CTNNA3: variants seen among roughly 807,000 people sequenced by gnomAD.
The protein encoded by CTNNA3 is catenin alpha 3, also known as catenin alpha-3.
Under a neutral mutation model 95.7 loss-of-function variants are expected in CTNNA3, and 76 were observed. The observed-to-expected ratio is 0.79, with a 90% CI of 0.66 to 0.96. The LOEUF (loss-of-function observed/expected upper bound fraction) is 0.96. CTNNA3 is among the 40% of genes least tolerant of loss of function. The pLI, the probability that CTNNA3 is intolerant of heterozygous loss-of-function variation, is 0.00. For synonymous variants in CTNNA3, 431 were observed against 374.4 expected, an observed-to-expected ratio of 1.15 and a Z score of -1.74; for missense variants, 1,191 against 1,089.8, an observed-to-expected ratio of 1.09 and a Z score of -1.31.
chr10:66,666,270 G>A (rs1020618257), intron 9 of CTNNA3, among the ~76,000 whole-genome samples: 7 of 152,038 alleles, frequency 4.6e-5, no homozygotes, highest in Non-Finnish European at 1.5e-5. Flanking sequence ...TTGCTGCCTG[G>A]TATTACGGAA....
chr10:66,575,442 C>T (rs1363666553), intron 10 of CTNNA3, among the ~76,000 whole-genome samples: 1 of 152,128 alleles, frequency 6.6e-6, no homozygotes, highest in East Asian at 1.9e-4. Context: ...GCATCCCTGG[C>T]ACTGTGCCTA....
intron 13 of CTNNA3, among the ~76,000 whole-genome samples, chr10:66,187,183 G>A (rs560977271): frequency 1.9e-4 from 29 of 152,158 alleles, no homozygotes; most frequent in Admixed American, 1.4e-3. Flanking sequence ...AAAATCCCAC[G>A]TGCAAAACTT....
chr10:65,993,855 C>T (rs545393499), intron 15 of CTNNA3, among the ~76,000 whole-genome samples: 15 of 152,302 alleles, frequency 9.8e-5, no homozygotes, highest in African/African-American at 3.4e-4. Flanking sequence ...CCTGCCTCAG[C>T]CTCCTGAGTA....
intron 7 of CTNNA3, among the ~76,000 whole-genome samples, chr10:67,120,299 T>C (rs1859395129): frequency 6.6e-6 from 1 of 151,952 alleles, no homozygotes; most frequent in Admixed American, 6.6e-5. Context: ...ATTATCACTT[T>C]ATACTACGAG....
intron 9 of CTNNA3, among the ~76,000 whole-genome samples, chr10:66,648,877 G>C (rs1845798743): frequency 6.6e-6 from 1 of 152,164 alleles, no homozygotes; most frequent in Admixed American, 6.5e-5. Flanking sequence ...TTACAGATGG[G>C]AGATGTGTAT....
At chr10:67,387,377 AGTATAT>A (rs1844221579) in intron 5 of CTNNA3, among the ~76,000 whole-genome samples, 1 of 152,056 alleles carries the variant, frequency 6.6e-6, no homozygotes, top group Admixed American at 6.5e-5. Flanking sequence ...GCACCACGAG[AGTATAT>A]CCCGCACCTG....
At chr10:66,649,298 C>T (rs907300009) in intron 9 of CTNNA3, among the ~76,000 whole-genome samples, 15 of 151,998 alleles carry the variant, frequency 9.9e-5, no homozygotes, top group Non-Finnish European at 2.1e-4. Context: ...CTTATCCCCA[C>T]AGAGAAACAT....
chr10:66,063,423 C>G (rs2080250584), intron 15 of CTNNA3, among the ~76,000 whole-genome samples: 1 of 150,754 alleles, frequency 6.6e-6, no homozygotes, highest in African/African-American at 2.4e-5. Flanking sequence ...TCTCATATTC[C>G]ACAGATGGCA....
chr10:66,658,820 A>C (rs564013091), intron 9 of CTNNA3, among the ~76,000 whole-genome samples: 1 of 152,160 alleles, frequency 6.6e-6, no homozygotes, highest in South Asian at 2.1e-4. Flanking sequence ...CAGCCACCTG[A>C]GTAGCTGGGA....
chr10:65,940,017 C>A (rs375079777), intron 17 of CTNNA3, among the ~76,000 whole-genome samples: 2 of 152,226 alleles, frequency 1.3e-5, no homozygotes, highest in Non-Finnish European at 2.9e-5. Flanking sequence ...TATTTGAGCA[C>A]CTTCCAACTG....
At chr10:65,956,666 A>C (rs2077737972) in intron 17 of CTNNA3, among the ~76,000 whole-genome samples, 1 of 152,208 alleles carries the variant, frequency 6.6e-6, no homozygotes, top group Non-Finnish European at 1.5e-5. Flanking sequence ...ATCCAGGAGC[A>C]GGTTGCTCAG....
intron 7 of CTNNA3, among the ~76,000 whole-genome samples, chr10:67,043,867 A>C (rs1005155532): frequency 6.6e-6 from 1 of 151,366 alleles, no homozygotes; most frequent in Admixed American, 6.7e-5. Flanking sequence ...TATATGCCCA[A>C]CATTCTGTTC....
At chr10:66,650,758 C>A (rs1297394554) in intron 9 of CTNNA3, among the ~76,000 whole-genome samples, 1 of 151,714 alleles carries the variant, frequency 6.6e-6, no homozygotes, top group Non-Finnish European at 1.5e-5. Flanking sequence ...TTCCTCCCGT[C>A]CAGAGTTGTT....
At chr10:67,242,493 G>C (rs1417627745) in intron 5 of CTNNA3, among the ~76,000 whole-genome samples, 2 of 152,206 alleles carry the variant, frequency 1.3e-5, no homozygotes, top group African/African-American at 4.8e-5. Flanking sequence ...AGCAGGAAGC[G>C]TGAATAGGGC....
intron 1 of CTNNA3, among the ~76,000 whole-genome samples, chr10:67,653,507 A>T (rs1839935460): frequency 6.6e-6 from 1 of 152,180 alleles, no homozygotes; most frequent in Non-Finnish European, 1.5e-5. Flanking sequence ...GAGGACTTAA[A>T]CACATCAGCC....
intron 15 of CTNNA3, among the ~76,000 whole-genome samples, chr10:66,063,957 A>C (rs892612139): frequency 6.6e-6 from 1 of 152,138 alleles, no homozygotes; most frequent in Non-Finnish European, 1.5e-5. Context: ...TGGTCACTTC[A>C]AATAGTCTTT....
rs144426524 is a variant in CTNNA3 at position 66,392,372 on chromosome 10, G to A, written c.1532-13020C>T. Among the ~76,000 whole-genome samples the A allele has an allele frequency of 1.1e-3, 171 of 152,198 alleles. 3 individuals carry two copies. The East Asian group carries it at 0.027, about 24-fold the overall frequency. ...TTGAACCTGGGAGGTGGAGGTTGCA[G>A]TGAGCAGAGATCGCTCCACTGCACT... On this transcript the variant is annotated intron_variant, in intron 11 of 17. Coordinates refer to ENST00000433211, the MANE Select transcript of CTNNA3 (RefSeq NM_013266.4).
At chr10:67,043,057 G>C (rs1312283520) in intron 7 of CTNNA3, among the ~76,000 whole-genome samples, 1 of 151,884 alleles carries the variant, frequency 6.6e-6, no homozygotes, top group Non-Finnish European at 1.5e-5. Context: ...AAGCAAGTCA[G>C]GAAATACAGA....
chr10:66,476,200 G>T (rs1156317562), intron 11 of CTNNA3, among the ~76,000 whole-genome samples: 1 of 151,694 alleles, frequency 6.6e-6, no homozygotes, highest in Non-Finnish European at 1.5e-5. Context: ...TGACACATGA[G>T]TCTTATCAGC....
Sources: gnomAD v4.1 joint callset for allele counts (sites outside exome capture counted in the v4.1 genomes callset) on GRCh38, gnomAD v4.1.1 for gene constraint, MANE v1.5 for transcripts, NCBI Gene and HGNC (gene_info 2026-07-23, HGNC 2026-07-21) for gene names.